NPRL3: variants seen among roughly 807,000 people sequenced by gnomAD.
NPRL3 encodes the protein GATOR1 complex protein NPRL3.
In NPRL3, 23 loss-of-function variants were observed where a neutral mutation model predicts 57.2. The observed-to-expected ratio is 0.40, with a 90% CI of 0.29 to 0.57. NPRL3 has a LOEUF of 0.57. Among genes scored for constraint, NPRL3 ranks in the 20% least tolerant of loss-of-function variants. The pLI is 0.42. For missense variants in NPRL3, 691 were observed against 767.1 expected, an observed-to-expected ratio of 0.90 and a Z score of 1.17; for synonymous variants, 333 against 321.1, an observed-to-expected ratio of 1.04 and a Z score of -0.39.
chr16:126,933 T>TGGCAATGTTG (rs1374093268), intron 3 of NPRL3: 1 of 152,110 alleles, frequency 6.6e-6, no homozygotes, highest in African/African-American at 2.4e-5. Context: ...TGCAGCAATG[T>TGGCAATGTTG]GATCTTGGCT....
chr16:94,733 G>A lies in NPRL3; in HGVS notation c.925-1408C>T, dbSNP rs186505635. On this transcript the variant is annotated intron_variant, in intron 9 of 13. Coordinates refer to ENST00000611875, the MANE Select transcript of NPRL3 (RefSeq NM_001077350.3). ...TGCGAGTAGTGCCCCCAATGGCTCCGCCAACCCCGACATGGCAGGTTTCAG... is the reference window on the plus strand; with the variant it reads ...TGCGAGTAGTGCCCCCAATGGCTCCACCAACCCCGACATGGCAGGTTTCAG... Among the ~76,000 whole-genome samples the A allele has an allele frequency of 4.0e-3, 616 of 152,160 alleles. 7 individuals carry two copies. Among genetic ancestry groups the A allele is most frequent in the African/African-American group, 0.014 (588 of 41,512 alleles).
At position 86,053 on chromosome 16, in the gene NPRL3, A is replaced by G; in HGVS notation, c.*652T>C. On this transcript the variant is annotated 3_prime_UTR_variant, in exon 14 of 14. Coordinates refer to ENST00000611875, the MANE Select transcript of NPRL3 (RefSeq NM_001077350.3). ...TCCACCAGCAAGATGTGCACAGGTG[A>G]CAGGGCTTCTCCAGCCTAGCAGGGC... 1 of 346,582 alleles carries G rather than the reference A, an allele frequency of 2.9e-6. No homozygotes were observed. Among genetic ancestry groups the G allele is most frequent in the East Asian group, 4.5e-5 (1 of 22,176 alleles). The allele number at this position is 346,582 out of a possible 1,614,324, so 21.5% of individuals were successfully genotyped here.
At position 88,726 on chromosome 16, in the gene NPRL3, T is replaced by C; in HGVS notation, c.1516A>G (p.Asn506Asp). The C allele has an allele frequency of 6.2e-7, 1 of 1,613,150 alleles. No individual in the cohort carries two copies. Among genetic ancestry groups the C allele is most frequent in the Non-Finnish European group, 8.5e-7 (1 of 1,179,408 alleles). The change falls in exon 13 of 14, where the codon AAC (asparagine) becomes GAC (aspartate). Residue 506 changes from asparagine to aspartate, a missense_variant. Transcript: ENST00000611875. ...AAILSVPAAQNPEDLRMFARL... is the reference protein window; with the variant it reads ...AAILSVPAAQDPEDLRMFARL... ...GCAAACATGCGGAGGTCCTCAGGGTTCTGGGCTGCGGGTACACTGAGGATG... is the reference window on the plus strand; with the variant it reads ...GCAAACATGCGGAGGTCCTCAGGGTCCTGGGCTGCGGGTACACTGAGGATG...
Position 85,782 on chromosome 16 carries a change from AG to A in NPRL3, c.*922del. 6.7e-7 allele frequency: 1 copy of A among 1,487,192 alleles called. No homozygotes were observed. Among genetic ancestry groups the A allele is most frequent in the Admixed American group, 2.4e-5 (1 of 42,164 alleles). 92.1% of individuals were successfully genotyped at this position (1,487,192 alleles called of 1,614,324 possible). On this transcript the variant is annotated 3_prime_UTR_variant, in exon 14 of 14. Transcript: ENST00000611875. ...GAGCAGGACACACAGGCCTGAGCAA[AG>A]GGCCTGCCCAGACAAGATTTTTTAA...
chr16:129,157 C>T (rs1037630369), intron 3 of NPRL3, among the ~76,000 whole-genome samples: 11 of 152,184 alleles, frequency 7.2e-5, no homozygotes, highest in Non-Finnish European at 1.3e-4. Flanking sequence ...TGCCAGCCTT[C>T]CTTCTGAGTC....
chr16:136,599 G>A (rs1567151184), intron 2 of NPRL3, among the ~76,000 whole-genome samples: 1 of 151,820 alleles, frequency 6.6e-6, no homozygotes, highest in Non-Finnish European at 1.5e-5. Flanking sequence ...GGCTGAGGCA[G>A]GAGAATTGCT....
chr16:123,590 C>G (rs1206995558), intron 3 of NPRL3: 1 of 466,348 alleles, frequency 2.1e-6, no homozygotes, highest in Admixed American at 2.4e-5. Flanking sequence ...AAACATATCA[C>G]TTTTTTAAAA....
chr16:117,929 T>G (rs146773940), intron 4 of NPRL3, among the ~76,000 whole-genome samples: 18 of 152,356 alleles, frequency 1.2e-4, no homozygotes, highest in Non-Finnish European at 2.4e-4. Context: ...CTACAAGTTC[T>G]GCCACCAGGG....
intron 3 of NPRL3, among the ~76,000 whole-genome samples, chr16:120,350 T>A (rs1168568070): frequency 6.6e-6 from 1 of 152,166 alleles, no homozygotes; most frequent in African/African-American, 2.4e-5. Flanking sequence ...GCAAACCTGG[T>A]CATGCTTCTT....
intron 2 of NPRL3, among the ~76,000 whole-genome samples, chr16:136,224 A>C (rs1901068268): frequency 6.6e-6 from 1 of 152,256 alleles, no homozygotes; most frequent in South Asian, 2.1e-4. Flanking sequence ...AACCAAAAGG[A>C]CACGATAAAC....
intron 5 of NPRL3, among the ~76,000 whole-genome samples, chr16:115,362 C>T (rs1899985398): frequency 6.6e-6 from 1 of 151,750 alleles, no homozygotes. Flanking sequence ...TTTAAAATGA[C>T]AAAAGTATAT....
intron 9 of NPRL3, among the ~76,000 whole-genome samples, chr16:97,106 C>T (rs1188279905): frequency 2.0e-5 from 3 of 152,346 alleles, no homozygotes; most frequent in South Asian, 2.1e-4. Context: ...CAGACGAGGG[C>T]GCCACCCACA....
intron 5 of NPRL3, among the ~76,000 whole-genome samples, chr16:113,009 G>A (rs1899883449): frequency 6.6e-6 from 1 of 152,198 alleles, no homozygotes; most frequent in Non-Finnish European, 1.5e-5. Context: ...GTTCTTGGGA[G>A]TGGCTGCCTG....
chr16:94,660 G>C (rs369909942), intron 9 of NPRL3, among the ~76,000 whole-genome samples: 2 of 152,242 alleles, frequency 1.3e-5, no homozygotes, highest in East Asian at 3.8e-4. Flanking sequence ...GCTGAGACAG[G>C]AGGATTGCTT....
At chr16:114,837 G>C (rs1360672221) in intron 5 of NPRL3, among the ~76,000 whole-genome samples, 4 of 151,972 alleles carry the variant, frequency 2.6e-5, no homozygotes, top group Non-Finnish European at 5.9e-5. Context: ...ATAAGGTCTG[G>C]GACTTGCCTT....
intron 12 of NPRL3, chr16:89,475 G>A (rs1898661879): frequency 4.0e-6 from 2 of 495,942 alleles, no homozygotes; most frequent in Admixed American, 4.1e-5. Flanking sequence ...TGGGCTGGGA[G>A]CTGCCCCTAA....
chr16:95,385 A>ACACACACACACACACACACAC (rs1567132382), intron 9 of NPRL3, among the ~76,000 whole-genome samples: 1 of 143,092 alleles, frequency 7.0e-6, no homozygotes, highest in African/African-American at 2.5e-5. Context: ...ACACACACAC[A>ACACACACACACACACACACAC]ATAAAATGTA....
chr16:110,526 T>C lies in NPRL3; in HGVS notation c.628A>G (p.Ser210Gly), dbSNP rs1762295912. The change falls in exon 7 of 14, where the codon AGC (serine) becomes GGC (glycine). Residue 210 changes from serine to glycine, a missense_variant and splice_region_variant. Physicochemically the swap from Ser to Gly is moderately conservative, Grantham distance 56 (BLOSUM62 0). Transcript: ENST00000611875. ...AATAAGCACACCCACCTGTCTTACC[T>C]GTCATAAGCTTCCTTGAGGTCCCTG... Reference protein sequence around the residue: ...LARDLKEAYDSLCTSGVVRLH... With the variant: ...LARDLKEAYDGLCTSGVVRLH... 1 of 1,610,568 alleles carries C rather than the reference T, an allele frequency of 6.2e-7. No homozygotes were observed. Among genetic ancestry groups the C allele is most frequent in the South Asian group, 1.1e-5 (1 of 90,170 alleles).
chr16:94,929 A>T (rs1468631961), intron 9 of NPRL3, among the ~76,000 whole-genome samples: 3 of 152,078 alleles, frequency 2.0e-5, no homozygotes, highest in African/African-American at 7.2e-5. Flanking sequence ...ATCCAAAATC[A>T]GTACTTAAGG....
Sources: allele counts gnomAD v4.1 joint callset (sites outside exome capture counted in the v4.1 genomes callset), GRCh38; gene constraint gnomAD v4.1.1; transcripts MANE v1.5; gene names NCBI Gene and HGNC (gene_info 2026-07-23, HGNC 2026-07-21).